The following WWOX variants were observed in gnomAD, a reference collection of about 807,000 sequenced individuals.
The protein encoded by WWOX is WW domain-containing oxidoreductase.
A neutral mutation model predicts 46.2 loss-of-function variants in WWOX; 69 were observed. That is an observed-to-expected ratio of 1.49 (90% CI 1.23 to 1.82). WWOX has a LOEUF of 1.82. WWOX is among the 40% of genes most tolerant of loss of function. The pLI is 0.00. For synonymous variants in WWOX, 359 were observed against 202.6 expected, an observed-to-expected ratio of 1.77 and a Z score of -6.56; for missense variants, 919 against 542.6, an observed-to-expected ratio of 1.69 and a Z score of -6.89.
intron 8 of WWOX, among the ~76,000 whole-genome samples, chr16:78,709,066 C>T (rs1466129242): frequency 6.6e-6 from 1 of 152,114 alleles, no homozygotes; most frequent in Non-Finnish European, 1.5e-5. Context: ...TATGAAGTGA[C>T]ATCATTCATC....
intron 8 of WWOX, among the ~76,000 whole-genome samples, chr16:78,528,815 G>C (rs2043545900): frequency 6.6e-6 from 1 of 152,104 alleles, no homozygotes; most frequent in African/African-American, 2.4e-5. Flanking sequence ...CAGCATTAAG[G>C]ATTGGTAGAA....
chr16:78,767,872 A>G (rs1269349139), intron 8 of WWOX, among the ~76,000 whole-genome samples: 3 of 152,140 alleles, frequency 2.0e-5, no homozygotes, highest in East Asian at 1.9e-4. Context: ...AGTAACATCC[A>G]TTTTTGATAC....
At chr16:79,061,408 G>T (rs2048355236) in intron 8 of WWOX, among the ~76,000 whole-genome samples, 1 of 152,208 alleles carries the variant, frequency 6.6e-6, no homozygotes, top group Non-Finnish European at 1.5e-5. Context: ...TGGAATGTGT[G>T]CAGTGAGTGT....
At chr16:79,089,695 T>C (rs1255772695) in intron 8 of WWOX, among the ~76,000 whole-genome samples, 1 of 152,090 alleles carries the variant, frequency 6.6e-6, no homozygotes, top group Admixed American at 6.6e-5. Context: ...TAGAGAAATG[T>C]TTTCCAGTCG....
chr16:78,621,317 C>G lies in WWOX; in HGVS notation c.1056+188565C>G, dbSNP rs183237310. On this transcript the variant is annotated intron_variant, in intron 8 of 8. Coordinates refer to ENST00000566780, the MANE Select transcript of WWOX (RefSeq NM_016373.4). ...CAGATCTATCTTTTCATGCCCCCTTCTAACCCCCTACTCACCACCCACCCA... is the reference window on the plus strand; with the variant it reads ...CAGATCTATCTTTTCATGCCCCCTTGTAACCCCCTACTCACCACCCACCCA... 3.3e-5 allele frequency among the ~76,000 whole-genome samples: 5 copies of G among 152,260 alleles called. No homozygotes were observed. In the East Asian group the frequency reaches 5.8e-4, roughly 18 times the overall value.
At chr16:79,092,544 G>T (rs2048983729) in intron 8 of WWOX, among the ~76,000 whole-genome samples, 1 of 152,188 alleles carries the variant, frequency 6.6e-6, no homozygotes, top group African/African-American at 2.4e-5. Flanking sequence ...AGTTTCAGCT[G>T]CAGTTCAGGG....
At chr16:78,620,317 CTG>C (rs1359303229) in intron 8 of WWOX, among the ~76,000 whole-genome samples, 1 of 152,176 alleles carries the variant, frequency 6.6e-6, no homozygotes, top group Non-Finnish European at 1.5e-5. Context: ...TGCTGAATGT[CTG>C]TATAGAATCC....
At chr16:78,129,498 G>C (rs900038570) in intron 4 of WWOX, among the ~76,000 whole-genome samples, 2 of 152,172 alleles carry the variant, frequency 1.3e-5, no homozygotes, top group Non-Finnish European at 2.9e-5. Context: ...TTATGGGACT[G>C]CCGTTGTGTG....
rs142999805 is a variant in WWOX at position 79,009,122 on chromosome 16, A to T, written c.1057-202486A>T. 3.3e-3 allele frequency among the ~76,000 whole-genome samples: 496 copies of T among 152,340 alleles called. 2 individuals carry two copies. The highest frequency in any genetic ancestry group is 0.011 in the African/African-American group (478 of 41,584). On this transcript the variant is annotated intron_variant, in intron 8 of 8. Transcript: ENST00000566780. The stretch of plus-strand genomic sequence containing the variant: ...GTGTCCGCAGGCCTCCTGCCCTTCC[A>T]GGCTTAATGGATGATCATCTTCCCT...
At chr16:78,525,351 A>G (rs1244806565) in intron 8 of WWOX, 1 of 151,126 alleles carries the variant, frequency 6.6e-6, no homozygotes. Context: ...ACGCCCGGCT[A>G]ATTTTTTATA....
chr16:78,925,894 C>A (rs4887992), intron 8 of WWOX, among the ~76,000 whole-genome samples: 145,637 of 152,184 alleles, frequency 0.96, 69,828 homozygotes, highest in Non-Finnish European at 0.99. Flanking sequence ...ACCCTTGCCT[C>A]CCTTCAGAAT....
chr16:79,073,180 A>ATTT (rs1247414875), intron 8 of WWOX, among the ~76,000 whole-genome samples: 1 of 147,246 alleles, frequency 6.8e-6, no homozygotes, highest in Non-Finnish European at 1.5e-5. Flanking sequence ...TATTATTATT[A>ATTT]TTATTATTAT....
intron 5 of WWOX, among the ~76,000 whole-genome samples, chr16:78,308,994 G>GTGATA (rs961809350): frequency 5.0e-4 from 76 of 152,050 alleles, no homozygotes; most frequent in African/African-American, 1.8e-3. Flanking sequence ...TTGAATCCAT[G>GTGATA]TGATATGGTT....
chr16:78,422,506 G>A (rs1190934288), intron 6 of WWOX, among the ~76,000 whole-genome samples: 4 of 149,914 alleles, frequency 2.7e-5, no homozygotes, highest in African/African-American at 9.8e-5. Context: ...CACCACACCT[G>A]GCTCACTTTC....
At chr16:78,923,135 C>T (rs914815238) in intron 8 of WWOX, among the ~76,000 whole-genome samples, 1 of 151,990 alleles carries the variant, frequency 6.6e-6, no homozygotes, top group African/African-American at 2.4e-5. Context: ...GGATGTGCCA[C>T]CATGCCAGGC....
intron 8 of WWOX, among the ~76,000 whole-genome samples, chr16:78,806,520 T>C (rs1288148611): frequency 2.0e-5 from 3 of 152,130 alleles, no homozygotes; most frequent in Non-Finnish European, 2.9e-5. Flanking sequence ...CTCATGAGTC[T>C]GAGGATTGAT....
intron 8 of WWOX, among the ~76,000 whole-genome samples, chr16:78,742,968 G>A (rs553563750): frequency 6.6e-5 from 10 of 152,044 alleles, no homozygotes; most frequent in Non-Finnish European, 1.3e-4. Flanking sequence ...GAGGGGCCTC[G>A]TTAATGTCTC....
chr16:79,156,041 A>T (rs2050375174), intron 8 of WWOX, among the ~76,000 whole-genome samples: 1 of 152,232 alleles, frequency 6.6e-6, no homozygotes, highest in African/African-American at 2.4e-5. Flanking sequence ...TACAATTTCC[A>T]GGAAATCAGA....
intron 8 of WWOX, among the ~76,000 whole-genome samples, chr16:78,803,018 C>A (rs1331107583): frequency 6.9e-6 from 1 of 145,860 alleles, no homozygotes; most frequent in Non-Finnish European, 1.5e-5. Flanking sequence ...CCATGGAATT[C>A]ATGGTGCCTT....
Sources: gnomAD v4.1 joint callset for allele counts (sites outside exome capture counted in the v4.1 genomes callset) on GRCh38, gnomAD v4.1.1 for gene constraint, MANE v1.5 for transcripts, NCBI Gene and HGNC (gene_info 2026-07-23, HGNC 2026-07-21) for gene names.